ERCC2: variants seen among roughly 807,000 people sequenced by gnomAD.
The protein encoded by ERCC2 is ERCC excision repair 2, TFIIH core complex helicase subunit, also known as general transcription and DNA repair factor IIH helicase subunit XPD.
In ERCC2, 90 loss-of-function variants were observed where a neutral mutation model predicts 99.4. The observed-to-expected ratio is 0.91, with a 90% CI of 0.76 to 1.08. The LOEUF (loss-of-function observed/expected upper bound fraction) is 1.08, where lower values mean the gene tolerates loss of function less well. Ranked by LOEUF, ERCC2 falls within the 50% of genes least tolerant of loss-of-function variation. ERCC2 has a pLI of 0.00. For synonymous variants in ERCC2, 497 were observed against 432.4 expected (o/e 1.15, Z -1.85); for missense variants, 993 against 1,038.1 (o/e 0.96, Z 0.60).
In ERCC2 at chr19:45,352,303, T is replaced by C; in HGVS notation, c.2096A>G (p.Glu699Gly). 1.2e-6 allele frequency: 2 copies of C among 1,614,054 alleles called. No homozygotes were observed. The highest frequency in any genetic ancestry group is 1.7e-6 in the Non-Finnish European group (2 of 1,180,018). ...KRGKLPRWIQ[E>G]HLTDANLNLT... is the part of the protein sequence containing the mutation. Reference sequence around the variant, plus strand: ...GTTGAGGTTGGCATCTGTGAGGTGCTCCTGGATCCAGCGGGGCAGCTTCCC... The same window carrying C: ...GTTGAGGTTGGCATCTGTGAGGTGCCCCTGGATCCAGCGGGGCAGCTTCCC... Residue 699 changes from glutamate (E) to glycine (G), a missense_variant, in exon 22 of 23, where the codon GAG (glutamate) becomes GGG (glycine). By Grantham distance (98) the Glu-to-Gly change is moderately conservative. Coordinates refer to ENST00000391945, the MANE Select transcript of ERCC2 (RefSeq NM_000400.4).
intron 12 of ERCC2, among the ~76,000 whole-genome samples, chr19:45,360,381 CTTT>C (rs57458623): frequency 5.2e-5 from 7 of 134,542 alleles, no homozygotes; most frequent in Non-Finnish European, 7.9e-5. Context: ...CACGCCCGGC[CTTT>C]TTTTTTTTTT....
In ERCC2 at chr19:45,364,115, T is replaced by A. The variant is rs779850024; in HGVS notation, c.820A>T (p.Lys274Ter). 1.2e-6 allele frequency: 2 copies of A among 1,611,200 alleles called. No individual in the cohort carries two copies. The highest frequency in any genetic ancestry group is 1.7e-6 in the Non-Finnish European group (2 of 1,179,302). Residue 274 changes from lysine to a stop codon, truncating the protein, a stop_gained, in exon 10 of 23, where the codon AAA (lysine) becomes TAA (stop). Coordinates refer to ENST00000391945, the MANE Select transcript of ERCC2 (RefSeq NM_000400.4). LOFTEE classifies it high-confidence loss of function. ...ETLQKTVLRI[K>*]ETDEQRLRDE... ...CGCAGGCGCTGCTCGTCTGTCTCTT[T>A]GATCCTGCGGAGAGATGAGCTGGGG...
intron 10 of ERCC2, 33 bp downstream of exon 10, chr19:45,363,953 G>T: frequency 1.3e-6 from 2 of 1,508,428 alleles, no homozygotes; most frequent in Non-Finnish European, 1.7e-6. Flanking sequence ...AGGCGGGAAA[G>T]GGACTGGGGG....
At position 45,364,120 on chromosome 19, in the gene ERCC2, C is replaced by T; in HGVS notation, c.816-1G>A. On this transcript the variant is annotated splice_acceptor_variant, in intron 9 of 22. Coordinates refer to ENST00000391945, the MANE Select transcript of ERCC2 (RefSeq NM_000400.4). LOFTEE classifies it high-confidence loss of function. ...GCGCTGCTCGTCTGTCTCTTTGATC[C>T]TGCGGAGAGATGAGCTGGGGCTGGG... 2 of 1,611,510 alleles carry T rather than the reference C, an allele frequency of 1.2e-6. No individual in the cohort carries two copies. Among genetic ancestry groups the T allele is most frequent in the Non-Finnish European group, 1.7e-6 (2 of 1,179,336 alleles).
intron 17 of ERCC2, 73 bp from the exon 18 acceptor site, chr19:45,353,407 G>A (rs1247658255): frequency 2.1e-6 from 2 of 968,484 alleles, no homozygotes; most frequent in Non-Finnish European, 3.3e-6. Context: ...CTCTTCTGGG[G>A]ACTCCCACAT....
In ERCC2 at chr19:45,350,922, C is replaced by T. The variant is rs1971729194; in HGVS notation, c.*707G>A. 12 of 1,608,648 alleles carry T rather than the reference C, an allele frequency of 7.5e-6. No individual in the cohort carries two copies. The highest frequency in any genetic ancestry group is 1.3e-5 in the African/African-American group (1 of 74,768). ...CGTGGAGGGGGGCCACTCCTGGATT[C>T]ACTCATTTCCTCCCTGCTGCCCTCT... On this transcript the variant is annotated 3_prime_UTR_variant, in exon 23 of 23. Transcript: ENST00000391945.
rs957118072 is a variant in ERCC2 at position 45,351,533 on chromosome 19, A to C, written c.*96T>G. On this transcript the variant is annotated 3_prime_UTR_variant, in exon 23 of 23. Transcript: ENST00000391945. ...ACGTGACAGTGAGAAATGTCACCTG[A>C]CTTCATAAGACCTTCTAGCACCACC... 11 of 1,603,404 alleles carry C rather than the reference A, an allele frequency of 6.9e-6. No individual in the cohort carries two copies. The African/African-American group carries it at 1.3e-4, about 19-fold the overall frequency.
At position 45,364,846 on chromosome 19, in the gene ERCC2, G is replaced by A; in HGVS notation, c.586C>T (p.Arg196Ter). 3 of 1,611,186 alleles carry A rather than the reference G, an allele frequency of 1.9e-6. No homozygotes were observed. Among genetic ancestry groups the A allele is most frequent in the East Asian group, 2.2e-5 (1 of 44,848 alleles). The change falls in exon 7 of 23, where the codon CGA becomes TGA. Residue 196 changes from arginine (R) to a stop codon, truncating the protein, a stop_gained. Coordinates refer to ENST00000391945, the MANE Select transcript of ERCC2 (RefSeq NM_000400.4). LOFTEE classifies it high-confidence loss of function. Reference protein sequence around the residue: ...RQGWCPYFLARYSILHANVVV... With the variant: ...RQGWCPYFLA ...CCCACCAGCCTCCTCACTGAGTATC[G>A]AGCAAGGAAGTATGGGCACCAGCCC... is the stretch of plus-strand genomic sequence containing the variant.
At chr19:45,352,995 G>A (rs1283338983) in intron 19 of ERCC2, 88 bp downstream of exon 19, 11 of 1,440,464 alleles carry the variant, frequency 7.6e-6, no homozygotes, top group Non-Finnish European at 1.1e-5. Flanking sequence ...GGGGTGGGTG[G>A]TTCCCCGCGG....
intron 15 of ERCC2, among the ~76,000 whole-genome samples, chr19:45,356,427 T>C (rs3916862): frequency 0.022 from 3,397 of 152,306 alleles, 115 homozygotes; most frequent in African/African-American, 0.077. Flanking sequence ...AAATGGGAGT[T>C]TGACTCGGGG....
Position 45,356,171 on chromosome 19 carries a change from C to T in ERCC2, c.1480-443G>A, listed in dbSNP as rs555183796. ...CCCAGGCCCTGGGCCAGCCGGATCC[C>T]GAAGAACACCCCTCGCCATGCCGGC... On this transcript the variant is annotated intron_variant, in intron 15 of 22. Transcript: ENST00000391945. 9.2e-5 allele frequency among the ~76,000 whole-genome samples: 14 copies of T among 152,246 alleles called. No individual in the cohort carries two copies. The East Asian group carries it at 2.5e-3, about 27-fold the overall frequency.
At chr19:45,355,177 C>T (rs192375006) in intron 16 of ERCC2, among the ~76,000 whole-genome samples, 13 of 152,186 alleles carry the variant, frequency 8.5e-5, no homozygotes, top group Non-Finnish European at 1.5e-4. Context: ...GCCAACATGG[C>T]GAAACCCCAT....
intron 19 of ERCC2, 44 bp downstream of exon 19, chr19:45,353,039 A>T (rs377551000): frequency 6.3e-7 from 1 of 1,575,630 alleles, no homozygotes; most frequent in Non-Finnish European, 8.7e-7. Flanking sequence ...TGTTCCAGAG[A>T]GCTCTGGGAA....
At chr19:45,364,186 G>C in intron 9 of ERCC2, 49 bp downstream of exon 9, 4 of 1,611,530 alleles carry the variant, frequency 2.5e-6, no homozygotes, top group Non-Finnish European at 3.4e-6. Context: ...ACAGGGGCCA[G>C]GGTCCCAGGG....
rs575904720 is a variant in ERCC2 at position 45,351,335 on chromosome 19, C to T, written c.*294G>A. On this transcript the variant is annotated 3_prime_UTR_variant, in exon 23 of 23. Coordinates refer to ENST00000391945, the MANE Select transcript of ERCC2 (RefSeq NM_000400.4). ...GCCCCTCGGACCCTCAGCGCCAGCA[C>T]CCAGGACCTGAGCCCCCACTAACGT... 12 of 1,611,844 alleles carry T rather than the reference C, an allele frequency of 7.4e-6. No homozygotes were observed. The highest frequency in any genetic ancestry group is 1.0e-5 in the Non-Finnish European group (12 of 1,180,004).
intron 21 of ERCC2, 48 bp from the exon 22 acceptor site, chr19:45,352,400 T>C: frequency 6.2e-7 from 1 of 1,613,664 alleles, no homozygotes; most frequent in Non-Finnish European, 8.5e-7. Flanking sequence ...TCGGGGAGCC[T>C]GGGCCACTCT....
chr19:45,367,347 AAAC>A lies in ERCC2; in HGVS notation c.360+1280_360+1282del, dbSNP rs1284388842. On this transcript the variant is annotated intron_variant, in intron 5 of 22. Coordinates refer to ENST00000391945, the MANE Select transcript of ERCC2 (RefSeq NM_000400.4). ...GAGACTCCGTCTCAAAAACAAAACA[AAAC>A]AAAAATATATATATATATACACACA... Among the ~76,000 whole-genome samples, 4 of 120,034 alleles carry A rather than the reference AAAC, an allele frequency of 3.3e-5. No homozygotes were observed. In the South Asian group the frequency reaches 1.1e-3, roughly 33 times the overall value. 78.7% of individuals were successfully genotyped at this position (120,034 alleles called of 152,430 possible).
intron 12 of ERCC2, among the ~76,000 whole-genome samples, chr19:45,359,910 A>G (rs3916833): frequency 0.02 from 2,956 of 149,890 alleles, 98 homozygotes; most frequent in African/African-American, 0.067. Flanking sequence ...GAGTAGTTGG[A>G]ACTATAGGTG....
intron 17 of ERCC2, among the ~76,000 whole-genome samples, chr19:45,354,369 G>C (rs1420142596): frequency 1.3e-5 from 2 of 152,202 alleles, no homozygotes; most frequent in Non-Finnish European, 2.9e-5. Context: ...AACCCAGCTA[G>C]AGCCACGCCT....
Sources: gnomAD v4.1 joint callset for allele counts (sites outside exome capture counted in the v4.1 genomes callset) on GRCh38, gnomAD v4.1.1 for gene constraint, MANE v1.5 for transcripts, NCBI Gene and HGNC (gene_info 2026-07-23, HGNC 2026-07-21) for gene names.